CPNE4: variants seen among roughly 807,000 people sequenced by gnomAD.
CPNE4 encodes copine 4.
Under a neutral mutation model 67.9 loss-of-function variants are expected in CPNE4, and 25 were observed. That is an observed-to-expected ratio of 0.37 (90% confidence interval 0.27 to 0.51). CPNE4 has a LOEUF of 0.51. Ranked by LOEUF, CPNE4 falls within the 20% of genes least tolerant of loss-of-function variation. The probability of loss-of-function intolerance (pLI) is 0.93; values close to 1 mark genes in which losing one functional copy is unlikely to be tolerated. For synonymous variants in CPNE4, 242 were observed against 244.9 expected (o/e 0.99, Z 0.11); for missense variants, 464 against 690.8 (o/e 0.67, Z 3.68).
In CPNE4 at chr3:131,676,431, A is replaced by T. The variant is rs529701519; in HGVS notation, c.592-6667T>A. Among the ~76,000 whole-genome samples the T allele has an allele frequency of 3.5e-4, 53 of 152,222 alleles. 2 individuals carry two copies. The South Asian group carries it at 0.011, about 31-fold the overall frequency. On this transcript the variant is annotated intron_variant, in intron 6 of 15. Coordinates refer to ENST00000429747, the MANE Select transcript of CPNE4 (RefSeq NM_130808.3). ...TGCAGGATGTGCAGGTTTGTTACAT[A>T]AGTAAATGCGTTGAATGGGGGTTGG...
At chr3:132,023,804 T>C (rs1176441162) in intron 1 of CPNE4, among the ~76,000 whole-genome samples, 2 of 152,116 alleles carry the variant, frequency 1.3e-5, no homozygotes, top group Non-Finnish European at 2.9e-5. Context: ...GCCTTTTATT[T>C]AGCAAGTCAC....
chr3:131,956,888 C>G lies in CPNE4; in HGVS notation c.-1-51444G>C, dbSNP rs545011221. ...GTAGAATTTATCCCCAAGTTTTAGC[C>G]TTGTTATATTCTTCATTAAATTTGT... On this transcript the variant is annotated intron_variant, in intron 1 of 15. Transcript: ENST00000429747. 7.2e-5 allele frequency among the ~76,000 whole-genome samples: 11 copies of G among 152,264 alleles called. No homozygotes were observed. The South Asian group carries it at 1.0e-3, about 14-fold the overall frequency.
chr3:131,700,077 T>G, intron 3 of CPNE4, 97 bp from the exon 4 acceptor site: 1 of 552,534 alleles, frequency 1.8e-6, no homozygotes, highest in Non-Finnish European at 2.9e-6. Context: ...TTTTTTTTTT[T>G]ACAAAACTCT....
intron 1 of CPNE4, among the ~76,000 whole-genome samples, chr3:131,962,499 C>G (rs1015579775): frequency 1.3e-5 from 2 of 152,186 alleles, no homozygotes; most frequent in Non-Finnish European, 2.9e-5. Context: ...CAGCCATACA[C>G]AAAGAGCATA....
At chr3:131,970,601 G>A (rs2072475585) in intron 1 of CPNE4, among the ~76,000 whole-genome samples, 2 of 151,964 alleles carry the variant, frequency 1.3e-5, no homozygotes. Context: ...AAGGGGATGG[G>A]GTTTATAATC....
At chr3:131,854,211 G>T (rs927258899) in intron 2 of CPNE4, among the ~76,000 whole-genome samples, 1 of 151,816 alleles carries the variant, frequency 6.6e-6, no homozygotes, top group African/African-American at 2.4e-5. Flanking sequence ...CCACACTATG[G>T]ATATTTAAAA....
intron 2 of CPNE4, among the ~76,000 whole-genome samples, chr3:131,866,789 T>C (rs1375878856): frequency 6.6e-6 from 1 of 152,186 alleles, no homozygotes; most frequent in South Asian, 2.1e-4. Context: ...CATAAGGTAA[T>C]TGCTGTTGTG....
chr3:131,665,667 A>ACAAACAAT lies in CPNE4; in HGVS notation c.681+4007_681+4008insATTGTTTG, dbSNP rs780210220. Among the ~76,000 whole-genome samples, 583 of 151,850 alleles carry ACAAACAAT rather than the reference A, an allele frequency of 3.8e-3. 1 individual carries two copies. The highest frequency in any genetic ancestry group is 8.5e-3 in the Admixed American group (130 of 15,218). On this transcript the variant is annotated intron_variant, in intron 7 of 15. Coordinates refer to ENST00000429747, the MANE Select transcript of CPNE4 (RefSeq NM_130808.3). ...GAGCAAGAGTCCATCTCAAAAACAAACAAACAAACAAACAAACAAAAAACA... is the reference window on the plus strand; with the variant it reads ...GAGCAAGAGTCCATCTCAAAAACAAACAAACAATCAAACAAACAAACAAACAAAAAACA...
At chr3:131,809,285 A>G (rs1376374369) in intron 2 of CPNE4, among the ~76,000 whole-genome samples, 1 of 152,146 alleles carries the variant, frequency 6.6e-6, no homozygotes, top group Non-Finnish European at 1.5e-5. Context: ...CAATAGAGTT[A>G]TAAACCAAGA....
In CPNE4 at chr3:131,870,041, G is replaced by A. The variant is rs559834199; in HGVS notation, c.180+35223C>T. On this transcript the variant is annotated intron_variant, in intron 2 of 15. Coordinates refer to ENST00000429747, the MANE Select transcript of CPNE4 (RefSeq NM_130808.3). The stretch of plus-strand genomic sequence containing the variant: ...GAAGGAAGAGCAACATTTTGTTGTG[G>A]GTAGATAGGGAAGGTTCCTCAAGGA... 5.3e-5 allele frequency among the ~76,000 whole-genome samples: 8 copies of A among 152,204 alleles called. No homozygotes were observed. The East Asian group carries it at 1.4e-3, about 26-fold the overall frequency.
chr3:131,837,568 G>A (rs926659039), intron 2 of CPNE4, among the ~76,000 whole-genome samples: 3 of 151,930 alleles, frequency 2.0e-5, no homozygotes, highest in Non-Finnish European at 4.4e-5. Flanking sequence ...AACACAGGGA[G>A]ATTTTTTTTG....
chr3:131,703,413 T>G (rs150519400), intron 3 of CPNE4, among the ~76,000 whole-genome samples: 18 of 152,286 alleles, frequency 1.2e-4, no homozygotes, highest in African/African-American at 3.8e-4. Context: ...GAAGTTGAAA[T>G]ACTCTTTTTA....
In CPNE4 at chr3:131,674,965, T is replaced by C. The variant is rs1583001923; in HGVS notation, c.592-5201A>G. ...GCATTTGTAGCTATCAACTTTCTTT[T>C]AAGTACTGTTTTCATATATTCCATA... is the stretch of plus-strand genomic sequence containing the variant. On this transcript the variant is annotated intron_variant, in intron 6 of 15. Transcript: ENST00000429747. 2.0e-5 allele frequency among the ~76,000 whole-genome samples: 3 copies of C among 152,184 alleles called. No homozygotes were observed. In the East Asian group the frequency reaches 5.8e-4, roughly 29 times the overall value.
chr3:131,719,949 T>C (rs1357535574), intron 3 of CPNE4, among the ~76,000 whole-genome samples: 1 of 152,230 alleles, frequency 6.6e-6, no homozygotes, highest in Non-Finnish European at 1.5e-5. Flanking sequence ...GAGATTCATG[T>C]GATTAGCTGA....
intron 1 of CPNE4, among the ~76,000 whole-genome samples, chr3:131,933,630 T>C (rs941843074): frequency 3.3e-5 from 5 of 152,140 alleles, no homozygotes; most frequent in African/African-American, 9.7e-5. Context: ...TTAATTAAGC[T>C]AGGTGTTCAT....
intron 1 of CPNE4, among the ~76,000 whole-genome samples, chr3:131,933,902 A>C (rs1282953549): frequency 6.6e-6 from 1 of 151,934 alleles, no homozygotes; most frequent in Non-Finnish European, 1.5e-5. Flanking sequence ...AAGGGAAATA[A>C]GATGTTGGTC....
At chr3:131,538,455 A>G (rs1935295205) in intron 15 of CPNE4, among the ~76,000 whole-genome samples, 1 of 152,224 alleles carries the variant, frequency 6.6e-6, no homozygotes, top group African/African-American at 2.4e-5. Context: ...GGTCAAGAAT[A>G]TGAATGAAGC....
chr3:131,847,422 C>T (rs1250968754), intron 2 of CPNE4, among the ~76,000 whole-genome samples: 1 of 152,058 alleles, frequency 6.6e-6, no homozygotes, highest in East Asian at 1.9e-4. Context: ...TCCTGCTATC[C>T]TGGGCATATA....
In CPNE4 at chr3:131,722,428, C is replaced by G. The variant is rs77556962; in HGVS notation, c.360+1018G>C. On this transcript the variant is annotated intron_variant, in intron 3 of 15. Transcript: ENST00000429747. The stretch of plus-strand genomic sequence containing the variant: ...TCTTGATTCAGTCAGGGAAAGTGGT[C>G]TCTTCCCACCCCATACCCCCCCACG... Among the ~76,000 whole-genome samples the G allele has an allele frequency of 4.1e-3, 605 of 147,192 alleles. 3 individuals carry two copies. Among genetic ancestry groups the G allele is most frequent in the African/African-American group, 0.014 (571 of 40,516 alleles).
Sources: allele counts gnomAD v4.1 joint callset (sites outside exome capture counted in the v4.1 genomes callset), GRCh38; gene constraint gnomAD v4.1.1; transcripts MANE v1.5; gene names NCBI Gene and HGNC (gene_info 2026-07-23, HGNC 2026-07-21).